Variants in NRG1 observed in about 807,000 individuals in gnomAD.
NRG1 encodes the protein neuregulin 1.
NRG1 carries 18 observed loss-of-function variants against 63.8 expected under a neutral mutation model. The observed-to-expected ratio is 0.28, with a 90% CI of 0.19 to 0.42. The LOEUF is 0.42. Ranked by LOEUF, NRG1 falls within the 10% of genes least tolerant of loss-of-function variation. The probability of loss-of-function intolerance (pLI) is 1.00; values close to 1 mark genes in which losing one functional copy is unlikely to be tolerated. For synonymous variants in NRG1, 302 were observed against 301.3 expected (o/e 1.00, Z -0.02); for missense variants, 762 against 814.7 (o/e 0.94, Z 0.79).
At chr8:32,625,493 G>A (rs994307054) in intron 5 of NRG1, among the ~76,000 whole-genome samples, 2 of 152,242 alleles carry the variant, frequency 1.3e-5, no homozygotes, top group African/African-American at 4.8e-5. Context: ...TTTAAGAAAT[G>A]TCAGAAGGAG....
intron 5 of NRG1, among the ~76,000 whole-genome samples, chr8:32,710,755 C>T (rs1162919589): frequency 6.6e-6 from 1 of 152,148 alleles, no homozygotes; most frequent in African/African-American, 2.4e-5. Flanking sequence ...TTTAGTCTAA[C>T]TACTCAAGAT....
At chr8:32,304,288 C>T (rs529839245) in intron 1 of NRG1, among the ~76,000 whole-genome samples, 116 of 152,250 alleles carry the variant, frequency 7.6e-4, no homozygotes, top group African/African-American at 2.7e-3. Flanking sequence ...ATGCGATTTT[C>T]GCAAACAAAT....
chr8:32,064,086 TA>T (rs1430354714), intron 1 of NRG1, among the ~76,000 whole-genome samples: 1 of 151,980 alleles, frequency 6.6e-6, no homozygotes, highest in Non-Finnish European at 1.5e-5. Flanking sequence ...AACCCAACAT[TA>T]AAAACCCTTT....
chr8:32,591,587 G>C (rs552518036), intron 1 of NRG1, among the ~76,000 whole-genome samples: 1 of 152,096 alleles, frequency 6.6e-6, no homozygotes. Flanking sequence ...CTGAAGTCAC[G>C]ATTGTGAGGA....
upstream of NRG1, among the ~76,000 whole-genome samples, chr8:32,547,853 A>T (rs543629458): frequency 1.3e-5 from 2 of 152,142 alleles, no homozygotes; most frequent in Non-Finnish European, 2.9e-5. Context: ...AGGGTTCCTG[A>T]CCACGGAGAC....
chr8:31,997,642 T>C (rs1332354446), intron 1 of NRG1, among the ~76,000 whole-genome samples: 1 of 151,970 alleles, frequency 6.6e-6, no homozygotes, highest in Admixed American at 6.6e-5. Context: ...GACTTAAATC[T>C]ATTTCTTCTC....
intron 1 of NRG1, among the ~76,000 whole-genome samples, chr8:32,541,693 C>T (rs926197564): frequency 1.3e-5 from 2 of 152,076 alleles, no homozygotes; most frequent in African/African-American, 4.8e-5. Flanking sequence ...TGAAGAGGTT[C>T]TTGTGGGATC....
intron 1 of NRG1, among the ~76,000 whole-genome samples, chr8:32,445,973 G>A (rs1448006337): frequency 6.6e-6 from 1 of 151,862 alleles, no homozygotes; most frequent in African/African-American, 2.4e-5. Context: ...TGGTTAACAA[G>A]GCACATATTT....
intron 1 of NRG1, among the ~76,000 whole-genome samples, chr8:32,439,416 TA>T (rs1819220060): frequency 6.6e-6 from 1 of 152,204 alleles, no homozygotes; most frequent in South Asian, 2.1e-4. Context: ...TCTTGTTTTC[TA>T]AATCTTAACT....
intron 1 of NRG1, among the ~76,000 whole-genome samples, chr8:32,522,173 C>T (rs918559227): frequency 2.0e-5 from 3 of 152,214 alleles, no homozygotes; most frequent in South Asian, 2.1e-4. Flanking sequence ...GCCTCAGCCA[C>T]TAACACAGGT....
At chr8:32,042,207 G>T (rs1470020890) in intron 1 of NRG1, among the ~76,000 whole-genome samples, 1 of 152,094 alleles carries the variant, frequency 6.6e-6, no homozygotes, top group Non-Finnish European at 1.5e-5. Flanking sequence ...CACTTTGGGA[G>T]GGCAAGGCAA....
chr8:31,869,848 A>G (rs1265901416), intron 1 of NRG1, among the ~76,000 whole-genome samples: 2 of 152,178 alleles, frequency 1.3e-5, no homozygotes, highest in East Asian at 3.9e-4. Context: ...ATGCGCATCC[A>G]TGAGAAAATA....
rs190749236 is a variant in NRG1 at position 31,785,403 on chromosome 8, A to G, written c.37+145972A>G. Among the ~76,000 whole-genome samples the G allele has an allele frequency of 7.9e-5, 12 of 152,334 alleles. No homozygotes were observed. The East Asian group carries it at 2.3e-3, about 29-fold the overall frequency. On this transcript the variant is annotated intron_variant, in intron 1 of 10. Transcript: ENST00000519301. Reference sequence around the variant, plus strand: ...CCCTGTGCCAAAGTCCAGGTGCAGAAAAGAAAGGTGAGCTTGTGATAAAGA... The same window carrying G: ...CCCTGTGCCAAAGTCCAGGTGCAGAGAAGAAAGGTGAGCTTGTGATAAAGA...
intron 5 of NRG1, among the ~76,000 whole-genome samples, chr8:32,684,595 G>A (rs1251467122): frequency 6.6e-6 from 1 of 152,046 alleles, no homozygotes; most frequent in Non-Finnish European, 1.5e-5. Context: ...AGCTACAAGA[G>A]GTGTTATTTG....
chr8:32,215,756 T>TA (rs1156727743), intron 1 of NRG1, among the ~76,000 whole-genome samples: 2 of 152,156 alleles, frequency 1.3e-5, no homozygotes, highest in East Asian at 3.9e-4. Context: ...AAAACATTGG[T>TA]AGTTGCAGGG....
intron 1 of NRG1, among the ~76,000 whole-genome samples, chr8:32,217,330 A>G (rs1053020957): frequency 1.3e-5 from 2 of 151,990 alleles, no homozygotes; most frequent in Admixed American, 1.3e-4. Flanking sequence ...AGCTCCCAGG[A>G]AAGTCTAGTG....
chr8:31,878,452 G>T (rs1360749003), intron 1 of NRG1, among the ~76,000 whole-genome samples: 2 of 152,146 alleles, frequency 1.3e-5, no homozygotes, highest in Non-Finnish European at 2.9e-5. Flanking sequence ...AAAAAGCCCT[G>T]AAATAAAAAA....
At chr8:32,110,770 C>T (rs1831911767) in intron 1 of NRG1, among the ~76,000 whole-genome samples, 1 of 152,132 alleles carries the variant, frequency 6.6e-6, no homozygotes, top group African/African-American at 2.4e-5. Flanking sequence ...TTACCTTTCC[C>T]TTTCCGCACA....
At chr8:31,854,823 G>A (rs573695800) in intron 1 of NRG1, among the ~76,000 whole-genome samples, 247 of 151,912 alleles carry the variant, frequency 1.6e-3, no homozygotes, top group African/African-American at 5.5e-3. Flanking sequence ...CTTTGTTCTC[G>A]TTGGTTTCAA....
Sources: allele counts gnomAD v4.1 joint callset (sites outside exome capture counted in the v4.1 genomes callset), GRCh38; gene constraint gnomAD v4.1.1; transcripts MANE v1.5; gene names NCBI Gene and HGNC (gene_info 2026-07-23, HGNC 2026-07-21).